The following DCAF8 variants were observed in gnomAD, a reference collection of about 807,000 sequenced individuals.
DCAF8 encodes DDB1- and CUL4-associated factor 8.
DCAF8 carries 20 observed loss-of-function variants against 68.0 expected under a neutral mutation model. That is an observed-to-expected ratio of 0.29 (90% confidence interval 0.21 to 0.43). The LOEUF (loss-of-function observed/expected upper bound fraction) is 0.43. Ranked by LOEUF, DCAF8 falls within the 20% of genes least tolerant of loss-of-function variation. The pLI is 1.00. For missense variants in DCAF8, 460 were observed against 771.0 expected, an observed-to-expected ratio of 0.60 and a Z score of 4.78; for synonymous variants, 230 against 276.9, an observed-to-expected ratio of 0.83 and a Z score of 1.68.
At chr1:160,237,810 G>A (rs57097730) in intron 5 of DCAF8, among the ~76,000 whole-genome samples, 4,903 of 152,208 alleles carry the variant, frequency 0.032, 252 homozygotes, top group African/African-American at 0.11. Context: ...AAAGTATTGG[G>A]ATTACAGGCA....
At chr1:160,226,465 A>C (rs1489431557) in intron 7 of DCAF8, among the ~76,000 whole-genome samples, 1 of 152,228 alleles carries the variant, frequency 6.6e-6, no homozygotes, top group Non-Finnish European at 1.5e-5. Context: ...ATTATGTGTC[A>C]AATATTATGC....
chr1:160,244,556 GGGGGAA>G (rs1378499179), intron 2 of DCAF8, among the ~76,000 whole-genome samples: 1 of 152,016 alleles, frequency 6.6e-6, no homozygotes, highest in Non-Finnish European at 1.5e-5. Flanking sequence ...TCAACCTCTT[GGGGGAA>G]GAGATTGAGC....
intron 2 of DCAF8, among the ~76,000 whole-genome samples, chr1:160,251,425 C>T (rs916283407): frequency 6.6e-6 from 1 of 152,178 alleles, no homozygotes; most frequent in Non-Finnish European, 1.5e-5. Context: ...GAAACACTTA[C>T]TTCTCCAAGC....
chr1:160,231,847 T>C (rs778955754), intron 6 of DCAF8, among the ~76,000 whole-genome samples: 3 of 152,116 alleles, frequency 2.0e-5, no homozygotes, highest in Non-Finnish European at 4.4e-5. Flanking sequence ...CCAGAAACAG[T>C]AGGCTAAAAA....
At chr1:160,238,531 A>C in intron 5 of DCAF8, 76 bp downstream of exon 5, 6 of 1,439,530 alleles carry the variant, frequency 4.2e-6, no homozygotes, top group South Asian at 1.4e-5. Flanking sequence ...CACAATGGGC[A>C]GAGATAAGGG....
intron 2 of DCAF8, among the ~76,000 whole-genome samples, chr1:160,248,910 G>T (rs1025158019): frequency 6.6e-6 from 1 of 150,824 alleles, no homozygotes; most frequent in Non-Finnish European, 1.5e-5. Flanking sequence ...AAAAAAAAGA[G>T]GGCGGGTGTG....
rs539367103 is a variant in DCAF8 at position 160,216,283 on chromosome 1, G to A, written c.*1309C>T. ...AATGATCAAGCAGCTAAAGGTAAGA[G>A]AGACAGAGTGAGAGAGTGTGTATGT... is the stretch of plus-strand genomic sequence containing the variant. On this transcript the variant is annotated 3_prime_UTR_variant, in exon 14 of 14. Coordinates refer to ENST00000368074, the MANE Select transcript of DCAF8 (RefSeq NM_015726.4). 1.3e-5 allele frequency: 2 copies of A among 152,274 alleles called. No individual in the cohort carries two copies. The highest frequency in any genetic ancestry group is 2.4e-5 in the African/African-American group (1 of 41,540). 9.4% of individuals were successfully genotyped at this position (152,274 alleles called of 1,614,324 possible). A position where few individuals can be genotyped will look rare whatever the true frequency, so the allele number is the denominator to read the frequency against.
intron 6 of DCAF8, 32 bp downstream of exon 6, chr1:160,237,103 C>T: frequency 1.4e-6 from 2 of 1,445,470 alleles, no homozygotes; most frequent in Non-Finnish European, 1.9e-6. Context: ...CTAAGAGATA[C>T]AGTTCTGTAA....
intron 11 of DCAF8, 90 bp downstream of exon 11, chr1:160,222,561 A>T: frequency 6.5e-7 from 1 of 1,527,834 alleles, no homozygotes; most frequent in Non-Finnish European, 9.0e-7. Context: ...GGTATCATGT[A>T]GTCACAGTGA....
At chr1:160,218,250 G>C (rs1478353045) in intron 13 of DCAF8, 74 bp downstream of exon 13, 3 of 1,131,610 alleles carry the variant, frequency 2.7e-6, no homozygotes, top group Non-Finnish European at 4.0e-6. Flanking sequence ...ACTGCTTGAA[G>C]TCACTACTCT....
rs112878524 is a variant in DCAF8 at position 160,246,756 on chromosome 1, A to G, written c.-26-2722T>C. On this transcript the variant is annotated intron_variant, in intron 2 of 13. Coordinates refer to ENST00000368074, the MANE Select transcript of DCAF8 (RefSeq NM_015726.4). ...CAGCACATTGGGAGGCCGAGGCAGGAGTTGGAGACCAGCCTGGGCAACATA... is the reference window on the plus strand; with the variant it reads ...CAGCACATTGGGAGGCCGAGGCAGGGGTTGGAGACCAGCCTGGGCAACATA... Among the ~76,000 whole-genome samples the G allele has an allele frequency of 7.6e-3, 1,152 of 152,210 alleles. 19 individuals are homozygous for G. Among genetic ancestry groups the G allele is most frequent in the African/African-American group, 0.026 (1,097 of 41,540 alleles).
chr1:160,257,358 G>A (rs544345211), intron 2 of DCAF8, among the ~76,000 whole-genome samples: 33 of 152,074 alleles, frequency 2.2e-4, no homozygotes, highest in African/African-American at 7.0e-4. Context: ...TTTGGATACC[G>A]TTATTTCTCT....
intron 6 of DCAF8, among the ~76,000 whole-genome samples, chr1:160,236,516 A>T (rs913518855): frequency 2.6e-5 from 4 of 152,148 alleles, no homozygotes; most frequent in Non-Finnish European, 5.9e-5. Flanking sequence ...AAATATGCCC[A>T]TAGCAAGGCT....
chr1:160,215,828 A>G lies in DCAF8; in HGVS notation c.*1764T>C, dbSNP rs1463555201. The G allele has an allele frequency of 6.6e-6, 1 of 152,148 alleles. No homozygotes were observed. Among genetic ancestry groups the G allele is most frequent in the Admixed American group, 6.5e-5 (1 of 15,278 alleles). 9.4% of individuals were successfully genotyped at this position (152,148 alleles called of 1,614,324 possible). A position where few individuals can be genotyped will look rare whatever the true frequency, so the allele number is the denominator to read the frequency against. On this transcript the variant is annotated 3_prime_UTR_variant, in exon 14 of 14. Transcript: ENST00000368074. ...CAATAGGAACACAGACCACTCGATC[A>G]CCACACATTCCCTACCTCAGGGAGT...
In DCAF8 at chr1:160,219,231, T is replaced by C. The variant is rs561618729; in HGVS notation, c.1441-263A>G. Reference sequence around the variant, plus strand: ...TCATCCCCAGATATGGCCCTAGGGGTGGGTGAGTGGACTGCCCAAGCTTAC... The same window carrying C: ...TCATCCCCAGATATGGCCCTAGGGGCGGGTGAGTGGACTGCCCAAGCTTAC... On this transcript the variant is annotated intron_variant, in intron 11 of 13. Coordinates refer to ENST00000368074, the MANE Select transcript of DCAF8 (RefSeq NM_015726.4). 31 of 357,472 alleles carry C rather than the reference T, an allele frequency of 8.7e-5. No homozygotes were observed. In the South Asian group the frequency reaches 2.1e-3, roughly 25 times the overall value. The allele number at this position is 357,472 out of a possible 1,614,324, so 22.1% of individuals were successfully genotyped here. A position where few individuals can be genotyped will look rare whatever the true frequency, so the allele number is the denominator to read the frequency against.
chr1:160,250,296 C>T (rs1443615113), intron 2 of DCAF8, among the ~76,000 whole-genome samples: 1 of 151,718 alleles, frequency 6.6e-6, no homozygotes, highest in East Asian at 1.9e-4. Flanking sequence ...AAACCCCATC[C>T]CTATTAAAAG....
At chr1:160,236,929 CTGTT>C (rs937949329) in intron 6 of DCAF8, among the ~76,000 whole-genome samples, 46 of 152,248 alleles carry the variant, frequency 3.0e-4, no homozygotes, top group African/African-American at 1.1e-3. Context: ...AACAAGTAAA[CTGTT>C]TGAGAAATGA....
chr1:160,241,756 T>A (rs1171348649), intron 3 of DCAF8, among the ~76,000 whole-genome samples: 1 of 152,260 alleles, frequency 6.6e-6, no homozygotes, highest in Non-Finnish European at 1.5e-5. Context: ...CAGTATGAGC[T>A]ATTCAACTCC....
intron 7 of DCAF8, among the ~76,000 whole-genome samples, chr1:160,226,381 T>C (rs1037636694): frequency 2.0e-5 from 3 of 152,104 alleles, no homozygotes; most frequent in African/African-American, 4.8e-5. Context: ...CTTTCCTCAT[T>C]CTTATCAAGC....
Sources: allele counts gnomAD v4.1 joint callset (sites outside exome capture counted in the v4.1 genomes callset), GRCh38; gene constraint gnomAD v4.1.1; transcripts MANE v1.5; gene names NCBI Gene and HGNC (gene_info 2026-07-23, HGNC 2026-07-21).